Variants in MBOAT1 observed in about 807,000 individuals in gnomAD.
MBOAT1 encodes membrane-bound glycerophospholipid O-acyltransferase 1.
MBOAT1 carries 67 observed loss-of-function variants against 64.4 expected under a neutral mutation model. The ratio of observed to expected loss-of-function variants is 1.04; its 90% CI spans 0.85 to 1.27. The LOEUF (loss-of-function observed/expected upper bound fraction) is 1.27, where lower values mean the gene tolerates loss of function less well. MBOAT1 is among the 50% of genes most tolerant of loss of function. The probability of loss-of-function intolerance (pLI) is 0.00; values close to 1 mark genes in which losing one functional copy is unlikely to be tolerated. For synonymous variants in MBOAT1, 229 were observed against 218.9 expected (o/e 1.05, Z -0.41); for missense variants, 563 against 604.6 (o/e 0.93, Z 0.72).
intron 1 of MBOAT1, among the ~76,000 whole-genome samples, chr6:20,186,529 C>A (rs2328395): frequency 0.51 from 77,552 of 152,024 alleles, 20,365 homozygotes; most frequent in Admixed American, 0.64. Context: ...CCTTGTACCA[C>A]GTTGACTAGC....
intron 1 of MBOAT1, among the ~76,000 whole-genome samples, chr6:20,200,670 C>G (rs752336413): frequency 2.0e-5 from 3 of 152,148 alleles, no homozygotes; most frequent in Non-Finnish European, 4.4e-5. Flanking sequence ...ATGGGTCCCA[C>G]TGTAAGTAGC....
At chr6:20,184,880 A>AGTGTGTGTGTGTGTGTGTGTGT (rs58865791) in intron 1 of MBOAT1, among the ~76,000 whole-genome samples, 8 of 142,976 alleles carry the variant, frequency 5.6e-5, no homozygotes, top group East Asian at 4.2e-4. Context: ...TTATAACTGC[A>AGTGTGTGTGTGTGTGTGTGTGT]GTGTGTGTGT....
intron 1 of MBOAT1, among the ~76,000 whole-genome samples, chr6:20,208,758 C>G (rs1422657049): frequency 6.6e-6 from 1 of 152,068 alleles, no homozygotes; most frequent in Non-Finnish European, 1.5e-5. Flanking sequence ...CACACACACA[C>G]AGTTTGGGGG....
chr6:20,158,000 A>C (rs1581431665), intron 1 of MBOAT1, among the ~76,000 whole-genome samples: 1 of 152,116 alleles, frequency 6.6e-6, no homozygotes, highest in South Asian at 2.1e-4. Flanking sequence ...TATTAAAAAC[A>C]CAAAAATTAG....
Position 20,100,631 on chromosome 6 carries a change from A to T in MBOAT1, c.*1655T>A, listed in dbSNP as rs1197907631. Among the ~76,000 whole-genome samples, 1 of 152,236 alleles carries T rather than the reference A, an allele frequency of 6.6e-6. No homozygotes were observed. Among genetic ancestry groups the T allele is most frequent in the Non-Finnish European group, 1.5e-5 (1 of 68,050 alleles). ...ATTCACATTTCACTATCCTAAGAGA[A>T]GCAGCAGTAGGACACCTTATGGACC... On this transcript the variant is annotated 3_prime_UTR_variant, in exon 13 of 13. Coordinates refer to ENST00000324607, the MANE Select transcript of MBOAT1 (RefSeq NM_001080480.3).
chr6:20,121,572 T>C (rs1760494082), intron 8 of MBOAT1, among the ~76,000 whole-genome samples: 1 of 152,188 alleles, frequency 6.6e-6, no homozygotes, highest in Admixed American at 6.5e-5. Flanking sequence ...AAAGTGCAGG[T>C]GCTCTGTGTT....
At position 20,152,706 on chromosome 6, in the gene MBOAT1, G is replaced by GT. The variant is rs1436248592; in HGVS notation, c.162dup (p.Arg55ThrfsTer8). Reference sequence around the variant, plus strand: ...ACATCAGAGCTGGTTGTACCAGGACGTAAGTAGATGCGAAACCAGAAAGCA... The same window carrying GT: ...ACATCAGAGCTGGTTGTACCAGGACGTTAAGTAGATGCGAAACCAGAAAGCA... On this transcript the variant is annotated frameshift_variant, in exon 2 of 13. Coordinates refer to ENST00000324607, the MANE Select transcript of MBOAT1 (RefSeq NM_001080480.3). LOFTEE classifies it high-confidence loss of function. 5 of 1,612,098 alleles carry GT rather than the reference G, an allele frequency of 3.1e-6. No individual in the cohort carries two copies. The highest frequency in any genetic ancestry group is 4.2e-6 in the Non-Finnish European group (5 of 1,178,762).
chr6:20,179,767 A>T (rs1242854743), intron 1 of MBOAT1, among the ~76,000 whole-genome samples: 1 of 152,164 alleles, frequency 6.6e-6, no homozygotes, highest in Non-Finnish European at 1.5e-5. Flanking sequence ...ACTATTTTAC[A>T]TTCCTACCAA....
chr6:20,103,319 G>C (rs1257308178), intron 12 of MBOAT1, among the ~76,000 whole-genome samples: 2 of 152,126 alleles, frequency 1.3e-5, no homozygotes, highest in Non-Finnish European at 2.9e-5. Context: ...AACAAAAAAG[G>C]TTTCAAAAGT....
intron 1 of MBOAT1, among the ~76,000 whole-genome samples, chr6:20,177,263 C>A (rs1402578537): frequency 6.6e-6 from 1 of 152,192 alleles, no homozygotes; most frequent in African/African-American, 2.4e-5. Flanking sequence ...TTAGACCTAT[C>A]TCGGGGATGA....
At chr6:20,114,064 A>G (rs76161712) in intron 10 of MBOAT1, among the ~76,000 whole-genome samples, 7,103 of 152,266 alleles carry the variant, frequency 0.047, 232 homozygotes, top group Admixed American at 0.081. Context: ...ATGGAAGTTT[A>G]TGCTAAAATC....
Position 20,144,234 on chromosome 6 carries a change from A to T in MBOAT1, c.405T>A (p.Thr135=). ...RIYIFHYGIL[T]TDFSGPLMIV... ...AAGATACTTACCCAGAAAAATCCGT[A>T]GTGAGAATTCCATAGTGGAAGATGT... Residue 135 remains threonine, a synonymous_variant, in exon 4 of 13, where the codon ACT becomes ACA. Transcript: ENST00000324607. The T allele has an allele frequency of 6.2e-7, 1 of 1,610,220 alleles. No individual in the cohort carries two copies. Among genetic ancestry groups the T allele is most frequent in the Non-Finnish European group, 8.5e-7 (1 of 1,176,976 alleles).
At chr6:20,179,590 T>C (rs1164872100) in intron 1 of MBOAT1, among the ~76,000 whole-genome samples, 1 of 152,214 alleles carries the variant, frequency 6.6e-6, no homozygotes, top group Non-Finnish European at 1.5e-5. Flanking sequence ...GTTGATTCCA[T>C]GTGTCTGTTA....
intron 4 of MBOAT1, among the ~76,000 whole-genome samples, chr6:20,132,129 C>T (rs1760847741): frequency 6.6e-6 from 1 of 152,188 alleles, no homozygotes; most frequent in Non-Finnish European, 1.5e-5. Flanking sequence ...GATCCTCCCA[C>T]ATGAGCCTCC....
intron 4 of MBOAT1, among the ~76,000 whole-genome samples, chr6:20,140,163 T>A (rs1454061986): frequency 6.6e-6 from 1 of 152,208 alleles, no homozygotes; most frequent in Non-Finnish European, 1.5e-5. Context: ...ATCCTTCATG[T>A]TTATACTTCC....
At chr6:20,128,804 G>A in intron 5 of MBOAT1, 51 bp from the exon 6 acceptor site, 1 of 1,320,526 alleles carries the variant, frequency 7.6e-7, no homozygotes, top group Non-Finnish European at 1.1e-6. Context: ...TGAATTAGAT[G>A]ACAAATTATA....
At chr6:20,145,281 AAG>A (rs1396381654) in intron 3 of MBOAT1, among the ~76,000 whole-genome samples, 1 of 152,164 alleles carries the variant, frequency 6.6e-6, no homozygotes, top group African/African-American at 2.4e-5. Flanking sequence ...TGTAACCCAG[AAG>A]AGAGTCCTCA....
intron 8 of MBOAT1, among the ~76,000 whole-genome samples, chr6:20,122,855 A>C (rs1328172748): frequency 6.6e-6 from 1 of 151,980 alleles, no homozygotes; most frequent in African/African-American, 2.4e-5. Flanking sequence ...TTTTTGAGGC[A>C]GAGTCTTGCT....
chr6:20,115,395 C>T (rs775390685), intron 9 of MBOAT1, 43 bp from the exon 10 acceptor site: 7 of 1,502,818 alleles, frequency 4.7e-6, no homozygotes, highest in South Asian at 1.1e-5. Context: ...TTTAAAAATA[C>T]CCGAAGTAAT....
Sources: gnomAD v4.1 joint callset for allele counts (sites outside exome capture counted in the v4.1 genomes callset) on GRCh38, gnomAD v4.1.1 for gene constraint, MANE v1.5 for transcripts, NCBI Gene and HGNC (gene_info 2026-07-23, HGNC 2026-07-21) for gene names.